Variants in SGCZ observed in about 807,000 individuals in gnomAD.
SGCZ encodes sarcoglycan zeta, also known as zeta-sarcoglycan.
Under a neutral mutation model 41.3 loss-of-function variants are expected in SGCZ, and 40 were observed. That is an observed-to-expected ratio of 0.97 (90% CI 0.75 to 1.26). SGCZ has a LOEUF of 1.26. Ranked by LOEUF, SGCZ falls within the 50% of genes most tolerant of loss-of-function variation. SGCZ has a pLI of 0.00. For synonymous variants in SGCZ, 206 were observed against 137.5 expected, an observed-to-expected ratio of 1.50 and a Z score of -3.49; for missense variants, 552 against 369.8, an observed-to-expected ratio of 1.49 and a Z score of -4.04.
chr8:14,362,267 A>ATGCCC (rs1289763907), intron 2 of SGCZ, among the ~76,000 whole-genome samples: 2 of 152,186 alleles, frequency 1.3e-5, no homozygotes, highest in African/African-American at 4.8e-5. Context: ...TTGTTCAGAT[A>ATGCCC]TGCCCTGCCC....
intron 3 of SGCZ, among the ~76,000 whole-genome samples, chr8:14,300,152 G>A (rs555674364): frequency 6.6e-6 from 1 of 151,950 alleles, no homozygotes; most frequent in South Asian, 2.1e-4. Flanking sequence ...TTACAAGGAT[G>A]TATAGTTATG....
At chr8:15,185,315 G>C (rs371467315) in intron 1 of SGCZ, among the ~76,000 whole-genome samples, 1 of 152,198 alleles carries the variant, frequency 6.6e-6, no homozygotes, top group East Asian at 1.9e-4. Flanking sequence ...GGTTTCACTA[G>C]AAATGTATGA....
At chr8:14,871,214 A>C (rs1322182303) in intron 1 of SGCZ, among the ~76,000 whole-genome samples, 1 of 148,196 alleles carries the variant, frequency 6.7e-6, no homozygotes, top group Non-Finnish European at 1.5e-5. Context: ...TCTCAACAAC[A>C]AAAAAAAAAG....
chr8:14,721,681 A>G (rs1208184728), intron 1 of SGCZ, among the ~76,000 whole-genome samples: 1 of 152,124 alleles, frequency 6.6e-6, no homozygotes, highest in Non-Finnish European at 1.5e-5. Context: ...TCCTTTTCCT[A>G]TTTCAGCAAC....
intron 2 of SGCZ, among the ~76,000 whole-genome samples, chr8:14,529,328 T>C (rs536293965): frequency 2.6e-5 from 4 of 152,288 alleles, no homozygotes; most frequent in African/African-American, 9.6e-5. Flanking sequence ...CTTCTACTTA[T>C]ATGCCCTGTA....
chr8:15,042,354 T>C (rs1163655965), intron 1 of SGCZ, among the ~76,000 whole-genome samples: 1 of 152,174 alleles, frequency 6.6e-6, no homozygotes, highest in Non-Finnish European at 1.5e-5. Context: ...TCTCTCCATC[T>C]TGGCTTCACA....
intron 1 of SGCZ, among the ~76,000 whole-genome samples, chr8:15,044,415 T>C (rs141703967): frequency 7.6e-4 from 116 of 152,288 alleles, no homozygotes; most frequent in Middle Eastern, 6.8e-3. Flanking sequence ...CTGTATGCAG[T>C]TTTCTGTGAC....
At chr8:14,908,743 C>CAAAAAA (rs58817872) in intron 1 of SGCZ, among the ~76,000 whole-genome samples, 7 of 91,078 alleles carry the variant, frequency 7.7e-5, no homozygotes, top group African/African-American at 2.4e-4. Flanking sequence ...GTCACCGTTG[C>CAAAAAA]AAAAAAAAAA....
intron 3 of SGCZ, among the ~76,000 whole-genome samples, chr8:14,270,748 G>A (rs979432555): frequency 2.6e-5 from 4 of 151,936 alleles, no homozygotes; most frequent in South Asian, 4.2e-4. Context: ...ATGAAACTGC[G>A]GTATAGTATA....
chr8:14,095,425 G>C (rs991456743), intron 7 of SGCZ, among the ~76,000 whole-genome samples: 3 of 152,132 alleles, frequency 2.0e-5, no homozygotes, highest in Admixed American at 6.5e-5. Context: ...TCAAAGTTCA[G>C]ATGGTCGTAG....
chr8:15,181,655 TA>T (rs918111898), intron 1 of SGCZ, among the ~76,000 whole-genome samples: 2 of 151,850 alleles, frequency 1.3e-5, no homozygotes, highest in African/African-American at 2.4e-5. Context: ...TTTGATACGC[TA>T]AAAAAAAGTC....
intron 2 of SGCZ, among the ~76,000 whole-genome samples, chr8:14,412,298 T>C: frequency 6.6e-6 from 1 of 152,102 alleles, no homozygotes; most frequent in African/African-American, 2.4e-5. Flanking sequence ...TTATAAGGGT[T>C]ACAGAAAATA....
intron 5 of SGCZ, among the ~76,000 whole-genome samples, chr8:14,153,440 A>G (rs1563156300): frequency 6.6e-6 from 1 of 152,184 alleles, no homozygotes; most frequent in Non-Finnish European, 1.5e-5. Context: ...TAACCTGGTC[A>G]GAGTAATTGG....
At chr8:15,001,628 C>A (rs1020564502) in intron 1 of SGCZ, among the ~76,000 whole-genome samples, 2 of 148,026 alleles carry the variant, frequency 1.4e-5, no homozygotes, top group Admixed American at 1.4e-4. Context: ...ACTCGGGAGG[C>A]TGAGGGAGGA....
intron 2 of SGCZ, among the ~76,000 whole-genome samples, chr8:14,468,421 T>C (rs1394147037): frequency 6.6e-6 from 1 of 152,118 alleles, no homozygotes; most frequent in African/African-American, 2.4e-5. Flanking sequence ...ATGTTACCTT[T>C]CAGGAATTAT....
chr8:15,117,070 C>T (rs1481792162), intron 1 of SGCZ, among the ~76,000 whole-genome samples: 3 of 152,168 alleles, frequency 2.0e-5, no homozygotes, highest in South Asian at 2.1e-4. Flanking sequence ...AATTATTTCA[C>T]TTATAAGTAT....
chr8:15,237,861 A>C lies in SGCZ; in HGVS notation c.-238T>G. ...AAAGATTTAGTGACAGGTGATCTCT[A>C]CCGCGGTGCAACACAGCTGAGTCGA... On this transcript the variant is annotated 5_prime_UTR_variant, in exon 1 of 8. Transcript: ENST00000382080. 4 of 482,716 alleles carry C rather than the reference A, an allele frequency of 8.3e-6. No individual in the cohort carries two copies. Among genetic ancestry groups the C allele is most frequent in the Non-Finnish European group, 1.5e-5 (4 of 267,024 alleles). The allele number at this position is 482,716 out of a possible 1,614,324, so 29.9% of individuals were successfully genotyped here.
At chr8:15,216,795 T>A (rs1308231384) in intron 1 of SGCZ, among the ~76,000 whole-genome samples, 1 of 151,966 alleles carries the variant, frequency 6.6e-6, no homozygotes, top group Non-Finnish European at 1.5e-5. Context: ...AAGACTAGAA[T>A]TAGGAGAGAA....
At chr8:14,954,666 A>G (rs1800739563) in intron 1 of SGCZ, among the ~76,000 whole-genome samples, 1 of 152,150 alleles carries the variant, frequency 6.6e-6, no homozygotes, top group Non-Finnish European at 1.5e-5. Flanking sequence ...AAAAGAGCTG[A>G]GGCTTTCGGT....
Sources: allele counts gnomAD v4.1 joint callset (sites outside exome capture counted in the v4.1 genomes callset), GRCh38; gene constraint gnomAD v4.1.1; transcripts MANE v1.5; gene names NCBI Gene and HGNC (gene_info 2026-07-23, HGNC 2026-07-21).